SRSF6: variants seen among roughly 807,000 people sequenced by gnomAD.
The protein encoded by SRSF6 is serine and arginine rich splicing factor 6.
In SRSF6, 17 loss-of-function variants were observed where a neutral mutation model predicts 42.0. The ratio of observed to expected loss-of-function variants is 0.40; its 90% CI spans 0.28 to 0.61. The LOEUF (loss-of-function observed/expected upper bound fraction) is 0.61. SRSF6 is among the 20% of genes least tolerant of loss of function. The pLI, the probability that SRSF6 is intolerant of heterozygous loss-of-function variation, is 0.37. For synonymous variants in SRSF6, 204 were observed against 166.7 expected, an observed-to-expected ratio of 1.22 and a Z score of -1.72; for missense variants, 379 against 471.4, an observed-to-expected ratio of 0.80 and a Z score of 1.81.
chr20:43,459,265 C>A (rs772999531), intron 2 of SRSF6: 1 of 1,352,098 alleles, frequency 7.4e-7, no homozygotes, highest in Non-Finnish European at 9.8e-7. Context: ...TTTGGCTGAC[C>A]TTACCGGAAG....
Position 43,458,524 on chromosome 20 carries a change from C to T in SRSF6, c.256+15C>T. 1.3e-6 allele frequency: 2 copies of T among 1,481,692 alleles called. No individual in the cohort carries two copies. The highest frequency in any genetic ancestry group is 1.5e-5 in the African/African-American group (1 of 68,126). The allele number at this position is 1,481,692 out of a possible 1,614,324, so 91.8% of individuals were successfully genotyped here. On this transcript the variant is annotated intron_variant, in intron 2 of 5. Transcript: ENST00000244020. ...CGGAAGCCGCAGTGAGTCCCACCCC[C>T]GCGCGCTCCGCGCCCTTGGGGACCC...
At position 43,460,917 on chromosome 20, in the gene SRSF6, A is replaced by G. The variant is rs1424283792; in HGVS notation, c.889A>G (p.Ser297Gly). 1 of 1,614,160 alleles carries G rather than the reference A, an allele frequency of 6.2e-7. No individual in the cohort carries two copies. Among genetic ancestry groups the G allele is most frequent in the East Asian group, 2.2e-5 (1 of 44,882 alleles). ...TATAAAGTCAAAATCCAGATCAAGG[A>G]GCCAGTCCCGTTCCAATTCGCCGCT... is the stretch of plus-strand genomic sequence containing the variant. ...GDIKSKSRSR[S>G]QSRSNSPLPV... Residue 297 changes from serine to glycine, a missense_variant, in exon 6 of 6, where the codon AGC (serine) becomes GGC (glycine). By Grantham distance (56) the Ser-to-Gly change is moderately conservative. This residue lies in a region of SRSF6 where 219 missense variants were observed against 216.1 expected (regional missense o/e 1.01). Transcript: ENST00000244020.
At position 43,459,900 on chromosome 20, in the gene SRSF6, G is replaced by GATAGAAATGATATGAC. The variant is rs2017555663; in HGVS notation, c.381+5_381+6insATAGAAATGATATGAC. On this transcript the variant is annotated splice_donor_region_variant and intron_variant, in intron 3 of 5. Coordinates refer to ENST00000244020, the MANE Select transcript of SRSF6 (RefSeq NM_006275.6). Reference sequence around the variant, plus strand: ...TGCAGTTGGCAAGATTTAAAGGTATGTTTTGTAATTCAAGATAGAAATGAT... The same window carrying GATAGAAATGATATGAC: ...TGCAGTTGGCAAGATTTAAAGGTATGATAGAAATGATATGACTTTTGTAATTCAAGATAGAAATGAT... 1 of 1,602,446 alleles carries GATAGAAATGATATGAC rather than the reference G, an allele frequency of 6.2e-7. No homozygotes were observed. The highest frequency in any genetic ancestry group is 1.3e-5 in the African/African-American group (1 of 74,168).
At chr20:43,459,414 C>T (rs2017549025) in intron 2 of SRSF6, 10 of 1,309,202 alleles carry the variant, frequency 7.6e-6, no homozygotes, top group Non-Finnish European at 9.0e-6. Flanking sequence ...AAACCTCACA[C>T]TGTGATGTAA....
chr20:43,462,997 C>G lies in SRSF6; in HGVS notation c.*1934C>G, dbSNP rs1174737862. 3 of 152,560 alleles carry G rather than the reference C, an allele frequency of 2.0e-5. No individual in the cohort carries two copies. Among genetic ancestry groups the G allele is most frequent in the African/African-American group, 7.2e-5 (3 of 41,418 alleles). The allele number at this position is 152,560 out of a possible 1,614,324, so 9.5% of individuals were successfully genotyped here. ...TGTTTTCAGGGAAAGAACATAAAAG[C>G]TTTTTGAACTACAGCCTTTTTAAAA... On this transcript the variant is annotated 3_prime_UTR_variant, in exon 6 of 6. Coordinates refer to ENST00000244020, the MANE Select transcript of SRSF6 (RefSeq NM_006275.6).
Position 43,462,829 on chromosome 20 carries a change from T to C in SRSF6, c.*1766T>C, listed in dbSNP as rs1193390677. The C allele has an allele frequency of 6.6e-6, 1 of 152,616 alleles. No homozygotes were observed. Among genetic ancestry groups the C allele is most frequent in the Non-Finnish European group, 1.5e-5 (1 of 68,040 alleles). The allele number at this position is 152,616 out of a possible 1,614,324, so 9.5% of individuals were successfully genotyped here. ...TTCTTTGATACTTTATTTAATTAGA[T>C]GTTTATAAAGAAATGGGTTTATTTT... On this transcript the variant is annotated 3_prime_UTR_variant, in exon 6 of 6. Coordinates refer to ENST00000244020, the MANE Select transcript of SRSF6 (RefSeq NM_006275.6).
intron 4 of SRSF6, 35 bp downstream of exon 4, chr20:43,460,276 A>G (rs2017562881): frequency 1.2e-6 from 2 of 1,602,714 alleles, no homozygotes; most frequent in East Asian, 4.5e-5. Flanking sequence ...GAAGGAAACA[A>G]TATTTGCCAA....
At chr20:43,458,819 T>C (rs1424297351) in intron 2 of SRSF6, among the ~76,000 whole-genome samples, 3 of 149,356 alleles carry the variant, frequency 2.0e-5, no homozygotes, top group Admixed American at 1.3e-4. Context: ...TGTATTCTCC[T>C]TACTTACCTA....
Position 43,463,836 on chromosome 20 carries a change from T to G in SRSF6, c.*2773T>G, listed in dbSNP as rs1229644231. On this transcript the variant is annotated 3_prime_UTR_variant, in exon 6 of 6. Coordinates refer to ENST00000244020, the MANE Select transcript of SRSF6 (RefSeq NM_006275.6). The stretch of plus-strand genomic sequence containing the variant: ...CATGAAACTAGGGATAAAACATGCA[T>G]GGGATGTGAAGATTAAAAGTCAAGA... The G allele has an allele frequency of 6.6e-6, 1 of 152,182 alleles. No individual in the cohort carries two copies. The highest frequency in any genetic ancestry group is 1.5e-5 in the Non-Finnish European group (1 of 68,038). 9.4% of individuals were successfully genotyped at this position (152,182 alleles called of 1,614,324 possible). A position where few individuals can be genotyped will look rare whatever the true frequency, so the allele number is the denominator to read the frequency against.
chr20:43,463,342 A>G lies in SRSF6; in HGVS notation c.*2279A>G, dbSNP rs2145328554. ...TGATAAAATGTTTAATTCCCTTGCT[A>G]GCTTGTGAGAAGAATGAGTTGATGA... On this transcript the variant is annotated 3_prime_UTR_variant, in exon 6 of 6. Coordinates refer to ENST00000244020, the MANE Select transcript of SRSF6 (RefSeq NM_006275.6). The G allele has an allele frequency of 6.5e-6, 1 of 154,948 alleles. No homozygotes were observed. The highest frequency in any genetic ancestry group is 1.9e-4 in the East Asian group (1 of 5,188). 9.6% of individuals were successfully genotyped at this position (154,948 alleles called of 1,614,324 possible). A position where few individuals can be genotyped will look rare whatever the true frequency, so the allele number is the denominator to read the frequency against.
rs2017589818 is a variant in SRSF6, at chr20:43,461,337, G to GTTTTTTTGTTTTTTTTTTTTT, written c.*281_*282insGTTTTTTTTTTTTTTTTTTTT. The GTTTTTTTGTTTTTTTTTTTTT allele has an allele frequency of 4.6e-5, 2 of 43,768 alleles. No individual in the cohort carries two copies. The highest frequency in any genetic ancestry group is 1.6e-4 in the African/African-American group (2 of 12,192). 2.7% of individuals were successfully genotyped at this position (43,768 alleles called of 1,614,324 possible). ...GTAAAGATTAAGCTCATTTAGTGTTGTTTTTTTTTTTTTTTTTTTTTTTTT... is the reference window on the plus strand; with the variant it reads ...GTAAAGATTAAGCTCATTTAGTGTTGTTTTTTTGTTTTTTTTTTTTTTTTTTTTTTTTTTTTTTTTTTTTTT... On this transcript the variant is annotated 3_prime_UTR_variant, in exon 6 of 6. Transcript: ENST00000244020.
At chr20:43,459,037 G>A (rs2017545819) in intron 2 of SRSF6, 2 of 866,108 alleles carry the variant, frequency 2.3e-6, no homozygotes, top group Admixed American at 5.0e-5. Flanking sequence ...ACTAATTGGG[G>A]CATGTTATTG....
intron 2 of SRSF6, 138 bp downstream of exon 2, chr20:43,458,647 C>G (rs559453945): frequency 4.4e-6 from 4 of 911,814 alleles, no homozygotes; most frequent in Non-Finnish European, 6.1e-6. Flanking sequence ...GCTGCCTTCA[C>G]GTCTGCCCGG....
chr20:43,459,554 CTCT>C, intron 2 of SRSF6: 1 of 1,301,120 alleles, frequency 7.7e-7, no homozygotes, highest in Non-Finnish European at 1.0e-6. Context: ...AGCAGTCACT[CTCT>C]AACAGATTGT....
rs1007811851 is a variant in SRSF6, at chr20:43,463,896, C to G, written c.*2833C>G. On this transcript the variant is annotated 3_prime_UTR_variant, in exon 6 of 6. Transcript: ENST00000244020. ...GTACAAGAGAGTACCATAACAAATA[C>G]AATTTTATTTACAAATATACATGGT... 6.6e-6 allele frequency: 1 copy of G among 152,182 alleles called. No homozygotes were observed. The highest frequency in any genetic ancestry group is 2.4e-5 in the African/African-American group (1 of 41,452). The allele number at this position is 152,182 out of a possible 1,614,324, so 9.4% of individuals were successfully genotyped here.
Position 43,461,875 on chromosome 20 carries a change from G to A in SRSF6, c.*812G>A, listed in dbSNP as rs1159763611. Reference sequence around the variant, plus strand: ...TTTAAGAAATAGCTCCTAATACTTGGGATCTTGTTTAGAGAATCCACTTTC... The same window carrying A: ...TTTAAGAAATAGCTCCTAATACTTGAGATCTTGTTTAGAGAATCCACTTTC... On this transcript the variant is annotated 3_prime_UTR_variant, in exon 6 of 6. Coordinates refer to ENST00000244020, the MANE Select transcript of SRSF6 (RefSeq NM_006275.6). 6.6e-6 allele frequency: 1 copy of A among 152,134 alleles called. No individual in the cohort carries two copies. Among genetic ancestry groups the A allele is most frequent in the African/African-American group, 2.4e-5 (1 of 41,408 alleles). The allele number at this position is 152,134 out of a possible 1,614,324, so 9.4% of individuals were successfully genotyped here.
chr20:43,458,759 C>T (rs1487467290), intron 2 of SRSF6, among the ~76,000 whole-genome samples: 1 of 152,144 alleles, frequency 6.6e-6, no homozygotes, highest in Admixed American at 6.5e-5. Flanking sequence ...CCCTTGTCAG[C>T]ACTGTCACGG....
At chr20:43,459,185 G>T in intron 2 of SRSF6, 1 of 1,352,126 alleles carries the variant, frequency 7.4e-7, no homozygotes, top group Non-Finnish European at 9.8e-7. Flanking sequence ...GTCCACTGAG[G>T]CTAAGATGAC....
Position 43,462,292 on chromosome 20 carries a change from G to A in SRSF6, c.*1229G>A, listed in dbSNP as rs2017615891. The A allele has an allele frequency of 6.6e-6, 1 of 152,184 alleles. No individual in the cohort carries two copies. The highest frequency in any genetic ancestry group is 2.4e-5 in the African/African-American group (1 of 41,444). The allele number at this position is 152,184 out of a possible 1,614,324, so 9.4% of individuals were successfully genotyped here. On this transcript the variant is annotated 3_prime_UTR_variant, in exon 6 of 6. Transcript: ENST00000244020. ...AAATTTGAATACTGCAAATTTGTAGGAGTTACTAGGTTAGCAATTAGTCCA... is the reference window on the plus strand; with the variant it reads ...AAATTTGAATACTGCAAATTTGTAGAAGTTACTAGGTTAGCAATTAGTCCA...
Sources: gnomAD v4.1 joint callset for allele counts (sites outside exome capture counted in the v4.1 genomes callset) on GRCh38, gnomAD v4.1.1 for gene constraint, gnomAD v4.1.1 regional missense constraint, MANE v1.5 for transcripts, NCBI Gene and HGNC (gene_info 2026-07-23, HGNC 2026-07-21) for gene names.